Variants in RBPJ observed in about 807,000 individuals in gnomAD.
RBPJ encodes recombination signal binding protein for immunoglobulin kappa J region.
A neutral mutation model predicts 67.8 loss-of-function variants in RBPJ; 9 were observed. The observed-to-expected ratio is 0.13, with a 90% CI of 0.08 to 0.23. RBPJ has a LOEUF of 0.23. Among genes scored for constraint, RBPJ ranks in the 10% least tolerant of loss-of-function variants. RBPJ has a pLI of 1.00. For synonymous variants in RBPJ, 198 were observed against 203.3 expected (o/e 0.97, Z 0.22); for missense variants, 305 against 595.6 (o/e 0.51, Z 5.08).
intron 1 of RBPJ, among the ~76,000 whole-genome samples, chr4:26,192,270 G>A (rs1240121180): frequency 6.6e-6 from 1 of 152,144 alleles, no homozygotes; most frequent in Non-Finnish European, 1.5e-5. Context: ...ACCTCCCAAA[G>A]TGCTGGGATT....
chr4:26,379,842 C>T (rs2109595278), intron 1 of RBPJ, among the ~76,000 whole-genome samples: 1 of 152,252 alleles, frequency 6.6e-6, no homozygotes, highest in South Asian at 2.1e-4. Flanking sequence ...TCCCAAAGTG[C>T]TGCAATTACA....
At chr4:26,373,920 T>A (rs1450011130) in intron 1 of RBPJ, among the ~76,000 whole-genome samples, 3 of 144,852 alleles carry the variant, frequency 2.1e-5, no homozygotes, top group African/African-American at 5.1e-5. Context: ...TTTTACTTTT[T>A]TTTTTTTTTT....
chr4:26,182,205 C>G (rs557908773), intron 1 of RBPJ, among the ~76,000 whole-genome samples: 2 of 151,946 alleles, frequency 1.3e-5, no homozygotes, highest in African/African-American at 2.4e-5. Context: ...AGCCGGGCGC[C>G]GTGGCGGGCG....
intron 1 of RBPJ, among the ~76,000 whole-genome samples, chr4:26,375,962 A>G (rs1407672940): frequency 6.6e-6 from 1 of 151,866 alleles, no homozygotes; most frequent in South Asian, 2.1e-4. Flanking sequence ...TCTCCTTTTT[A>G]TTGCTAGTTT....
rs139788316 is a variant in RBPJ, at chr4:26,214,533, AAGGG to A, written c.-167+50937_-167+50940del. The stretch of plus-strand genomic sequence containing the variant: ...GGAGGAAGGGAGGGAGGGAAGGAGG[AAGGG>A]AGGGAGGGAGGGAGGGAAAAGAGAG... On this transcript the variant is annotated intron_variant, in intron 1 of 4. Transcript: ENST00000512351. Among the ~76,000 whole-genome samples, 94 of 77,322 alleles carry A rather than the reference AAGGG, an allele frequency of 1.2e-3. 1 individual carries two copies. The highest frequency in any genetic ancestry group is 4.7e-3 in the African/African-American group (85 of 18,014). 50.7% of individuals were successfully genotyped at this position (77,322 alleles called of 152,430 possible). A position where few individuals can be genotyped will look rare whatever the true frequency, so the allele number is the denominator to read the frequency against.
intron 1 of RBPJ, among the ~76,000 whole-genome samples, chr4:26,240,821 A>G (rs968216222): frequency 2.6e-5 from 4 of 152,134 alleles, no homozygotes; most frequent in African/African-American, 9.7e-5. Context: ...GTGACCCCCA[A>G]TAGTTGATGA....
At chr4:26,232,921 A>G (rs1719338139) in intron 1 of RBPJ, among the ~76,000 whole-genome samples, 1 of 152,234 alleles carries the variant, frequency 6.6e-6, no homozygotes, top group African/African-American at 2.4e-5. Context: ...ATTGTAATTT[A>G]TGTTCCTAAA....
chr4:26,111,493 C>T, the RBPJ span, among the ~76,000 whole-genome samples: 1 of 152,230 alleles, frequency 6.6e-6, no homozygotes, highest in African/African-American at 2.4e-5. Flanking sequence ...GCTGGCCAAA[C>T]AAGCTTTGCA....
intron 4 of RBPJ, 73 bp from the exon 5 acceptor site, chr4:26,420,478 C>A: frequency 1.0e-6 from 1 of 984,332 alleles, no homozygotes; most frequent in Non-Finnish European, 1.4e-6. Flanking sequence ...TAAACCATGG[C>A]CATTCTGAGT....
At chr4:26,162,177 G>C (rs1001467118), upstream of RBPJ, among the ~76,000 whole-genome samples, 1 of 152,238 alleles carries the variant, frequency 6.6e-6, no homozygotes, top group East Asian at 1.9e-4. Context: ...ACACAGGACA[G>C]AGAAACTCAA....
rs373127782 is a variant in RBPJ, at chr4:26,287,762, A to G, written c.-166-74684A>G. ...AGGGAGGAAGGCAGGAAGGCAGGAC[A>G]GAAGAACGCAGGCAGGCAGGCAAGA... On this transcript the variant is annotated intron_variant, in intron 1 of 4. Transcript: ENST00000512351. Among the ~76,000 whole-genome samples, 17 of 146,526 alleles carry G rather than the reference A, an allele frequency of 1.2e-4. No homozygotes were observed. In the East Asian group the frequency reaches 3.1e-3, roughly 27 times the overall value.
chr4:26,351,934 AAG>A (rs1726849719), intron 1 of RBPJ, among the ~76,000 whole-genome samples: 1 of 152,140 alleles, frequency 6.6e-6, no homozygotes, highest in Non-Finnish European at 1.5e-5. Flanking sequence ...AGTGTGTGCT[AAG>A]AGCTGCTTTG....
chr4:26,337,259 C>T (rs1724947175), intron 1 of RBPJ, among the ~76,000 whole-genome samples: 2 of 152,112 alleles, frequency 1.3e-5, no homozygotes, highest in Non-Finnish European at 2.9e-5. Context: ...ACGTGAGCCA[C>T]CGCACCCAGC....
intron 2 of RBPJ, among the ~76,000 whole-genome samples, chr4:26,394,796 A>G (rs1363811057): frequency 1.3e-5 from 2 of 152,222 alleles, no homozygotes; most frequent in Non-Finnish European, 2.9e-5. Flanking sequence ...CTTCTAAAGA[A>G]CGTAATCTTA....
At chr4:26,330,077 A>C (rs974513875) in intron 1 of RBPJ, among the ~76,000 whole-genome samples, 1 of 152,202 alleles carries the variant, frequency 6.6e-6, no homozygotes, top group Non-Finnish European at 1.5e-5. Context: ...AAATAATCAG[A>C]AAAGGGAAAG....
At position 26,323,727 on chromosome 4, in the gene RBPJ, T is replaced by A. The variant is rs149312157; in HGVS notation, c.20+2679T>A. Among the ~76,000 whole-genome samples, 929 of 152,322 alleles carry A rather than the reference T, an allele frequency of 6.1e-3. 14 individuals are homozygous for A. The highest frequency in any genetic ancestry group is 0.021 in the African/African-American group (889 of 41,568). On this transcript the variant is annotated intron_variant, in intron 1 of 10. Coordinates refer to ENST00000355476, the MANE Select transcript of RBPJ (RefSeq NM_015874.6). ...AACAGATTTCTATCAATGTTTTTTTTAAGTGGGTAAGATCAAAATTGGTTT... is the reference window on the plus strand; with the variant it reads ...AACAGATTTCTATCAATGTTTTTTTAAAGTGGGTAAGATCAAAATTGGTTT...
intron 1 of RBPJ, among the ~76,000 whole-genome samples, chr4:26,273,422 T>G (rs1274432064): frequency 6.6e-6 from 1 of 152,194 alleles, no homozygotes; most frequent in Non-Finnish European, 1.5e-5. Flanking sequence ...CCTGGCGACC[T>G]CCCAGAGGGC....
Position 26,255,403 on chromosome 4 carries a change from C to CAAAAA in RBPJ, c.-167+91808_-167+91812dup, listed in dbSNP as rs766336628. Among the ~76,000 whole-genome samples the CAAAAA allele has an allele frequency of 1.9e-3, 64 of 34,434 alleles. 1 individual carries two copies. Among genetic ancestry groups the CAAAAA allele is most frequent in the African/African-American group, 7.8e-3 (52 of 6,642 alleles). 22.6% of individuals were successfully genotyped at this position (34,434 alleles called of 152,430 possible). ...TGGGCGACAGAGCGAGACTCCGTCT[C>CAAAAA]AAAAAAAAAAAAAAAAAAAAAAAGT... On this transcript the variant is annotated intron_variant, in intron 1 of 4. Coordinates refer to the RBPJ transcript ENST00000512351.
At chr4:26,261,658 A>C (rs1256609259) in intron 1 of RBPJ, among the ~76,000 whole-genome samples, 1 of 152,218 alleles carries the variant, frequency 6.6e-6, no homozygotes, top group East Asian at 1.9e-4. Flanking sequence ...TTCTTGCTAC[A>C]GTGGAATATT....
Sources: gnomAD v4.1 joint callset for allele counts (sites outside exome capture counted in the v4.1 genomes callset) on GRCh38, gnomAD v4.1.1 for gene constraint, MANE v1.5 for transcripts, NCBI Gene and HGNC (gene_info 2026-07-23, HGNC 2026-07-21) for gene names.